CPAP: variants seen among roughly 807,000 people sequenced by gnomAD.
CPAP encodes the protein centrosomal P4.1-associated protein.
chr13:24,926,151 C>G, the CPAP span, among the ~76,000 whole-genome samples: 2 of 152,202 alleles, frequency 1.3e-5, no homozygotes, highest in Non-Finnish European at 1.5e-5. Context: ...TGCAACAGAT[C>G]ACGATGGAAC....
chr13:24,892,871 T>TA, the CPAP span: 12 of 1,490,226 alleles, frequency 8.1e-6, no homozygotes, highest in Admixed American at 1.1e-4. Flanking sequence ...TTAAAGTCTC[T>TA]CAAAAAAAAA....
At chr13:24,884,605 T>C in the CPAP span, 2 of 804,244 alleles carry the variant, frequency 2.5e-6, no homozygotes, top group Non-Finnish European at 4.2e-6. Context: ...TCGTGAGGAG[T>C]AGCAAACTCG....
the CPAP span, among the ~76,000 whole-genome samples, chr13:24,915,052 G>A: frequency 6.6e-6 from 1 of 151,410 alleles, no homozygotes; most frequent in African/African-American, 2.5e-5. Context: ...TCCAGCCTAG[G>A]CAACTGAGTG....
the CPAP span, chr13:24,907,247 T>C: frequency 1.4e-6 from 2 of 1,405,940 alleles, no homozygotes; most frequent in Non-Finnish European, 1.0e-6. Context: ...GTGAATATTT[T>C]ACACTTAGTG....
At chr13:24,910,300 T>C in the CPAP span, among the ~76,000 whole-genome samples, 1 of 152,236 alleles carries the variant, frequency 6.6e-6, no homozygotes, top group African/African-American at 2.4e-5. Flanking sequence ...CTCAGCTCAC[T>C]GCAACCTCCA....
chr13:24,911,994 C>T, the CPAP span: 26 of 1,614,058 alleles, frequency 1.6e-5, no homozygotes, highest in East Asian at 5.6e-4. Context: ...TTCTCTTGTT[C>T]TTCCATGAGT....
the CPAP span, among the ~76,000 whole-genome samples, chr13:24,887,587 T>TA: frequency 6.6e-6 from 1 of 152,192 alleles, no homozygotes; most frequent in Non-Finnish European, 1.5e-5. Context: ...TGGGACCATC[T>TA]AATTGCAGGA....
the CPAP span, among the ~76,000 whole-genome samples, chr13:24,908,586 CT>C: frequency 7.1e-6 from 1 of 140,614 alleles, no homozygotes; most frequent in Non-Finnish European, 1.5e-5. Context: ...GAGGAAGACC[CT>C]GTCTCAAAAA....
chr13:24,907,080 C>T, the CPAP span: 2 of 1,610,666 alleles, frequency 1.2e-6, no homozygotes. Flanking sequence ...CAGAAGAGCA[C>T]AATTGCTGAC....
chr13:24,883,151 G>A, the CPAP span: 85 of 1,594,594 alleles, frequency 5.3e-5, 1 homozygote, highest in Middle Eastern at 5.4e-3. Context: ...GTCAGTTACT[G>A]TTACTTCATG....
the CPAP span, chr13:24,892,669 C>T: frequency 2.5e-6 from 4 of 1,614,118 alleles, 1 homozygote; most frequent in Middle Eastern, 1.7e-4. Context: ...TTCTCCACCT[C>T]GAGGCTGCTC....
the CPAP span, chr13:24,933,578 G>A: frequency 0.011 from 1,810 of 158,908 alleles, 40 homozygotes; most frequent in African/African-American, 0.039. Context: ...ACTCATCTTC[G>A]CAGTGTAGCT....
chr13:24,909,625 A>G, the CPAP span, among the ~76,000 whole-genome samples: 1 of 152,062 alleles, frequency 6.6e-6, no homozygotes, highest in Non-Finnish European at 1.5e-5. Flanking sequence ...TGAGAGGCTG[A>G]TGGGGGAAGA....
At chr13:24,924,207 A>C in the CPAP span, among the ~76,000 whole-genome samples, 1 of 152,214 alleles carries the variant, frequency 6.6e-6, no homozygotes, top group Non-Finnish European at 1.5e-5. Flanking sequence ...CAGCTACTTA[A>C]GATGCCAGAC....
the CPAP span, chr13:24,892,935 T>C: frequency 1.8e-6 from 2 of 1,111,276 alleles, no homozygotes; most frequent in African/African-American, 1.6e-5. Context: ...AATAGAAGAA[T>C]AGAGACCCAG....
At chr13:24,906,007 G>A in the CPAP span, 11,126 of 1,614,032 alleles carry the variant, frequency 6.9e-3, 336 homozygotes, top group East Asian at 0.1. Context: ...TCTTTTGGAC[G>A]GCTTTCCTGA....
chr13:24,906,638 C>T, the CPAP span: 4 of 1,614,242 alleles, frequency 2.5e-6, no homozygotes, highest in Non-Finnish European at 1.7e-6. Flanking sequence ...CGGAGAAAGA[C>T]TTTTCCTGTT....
At chr13:24,912,092 T>C in the CPAP span, 3 of 1,604,984 alleles carry the variant, frequency 1.9e-6, no homozygotes, top group South Asian at 3.3e-5. Context: ...AAAATTAACT[T>C]TATTAAATCA....
At chr13:24,889,233 A>C in the CPAP span, 4 of 960,506 alleles carry the variant, frequency 4.2e-6, no homozygotes, top group East Asian at 9.6e-5. Context: ...ACATTTATTA[A>C]GAAATGTTTT....
Sources: gnomAD v4.1 joint callset for allele counts (sites outside exome capture counted in the v4.1 genomes callset) on GRCh38, gnomAD v4.1.1 for gene constraint, MANE v1.5 for transcripts, NCBI Gene and HGNC (gene_info 2026-07-23, HGNC 2026-07-21) for gene names.